Variants in ZIM3 observed in about 807,000 individuals in gnomAD.
ZIM3 encodes the protein zinc finger protein 657.
In ZIM3, 11 loss-of-function variants were observed where a neutral mutation model predicts 12.9. The ratio of observed to expected loss-of-function variants is 0.85; its 90% CI spans 0.54 to 1.41. The LOEUF (loss-of-function observed/expected upper bound fraction) is 1.41, where lower values mean the gene tolerates loss of function less well. ZIM3 is among the 40% of genes most tolerant of loss of function. The pLI is 0.00. For missense variants in ZIM3, 604 were observed against 557.2 expected (o/e 1.08, Z -0.85); for synonymous variants, 205 against 198.5 (o/e 1.03, Z -0.28).
At chr19:57,138,416 T>C in intron 3 of ZIM3, 56 bp downstream of exon 3, 1 of 1,613,012 alleles carries the variant, frequency 6.2e-7, no homozygotes. Flanking sequence ...CCATGGGGTG[T>C]CTGTGTGTTT....
At chr19:57,138,446 C>T (rs781158560) in intron 3 of ZIM3, 26 bp downstream of exon 3, 6 of 1,613,786 alleles carry the variant, frequency 3.7e-6, no homozygotes, top group Non-Finnish European at 3.4e-6. Context: ...GGTTTTGAGT[C>T]CCCCTGCCCG....
intron 2 of ZIM3, among the ~76,000 whole-genome samples, chr19:57,142,284 C>A (rs187826617): frequency 6.5e-4 from 99 of 151,726 alleles, no homozygotes; most frequent in Non-Finnish European, 1.2e-3. Flanking sequence ...GCTGAGACTA[C>A]AGGTGTACGC....
intron 2 of ZIM3, 57 bp from the exon 3 acceptor site, chr19:57,138,655 A>G: frequency 6.3e-7 from 1 of 1,590,492 alleles, no homozygotes; most frequent in Non-Finnish European, 8.6e-7. Context: ...GCGGCTGAGG[A>G]TACAGAAACT....
At position 57,144,885 on chromosome 19, in the gene ZIM3, C is replaced by G. The variant is rs926361607; in HGVS notation, c.-69G>C. ...TCCAGTGGAATCTGGCATAAATTAG[C>G]AAGTTGATTGATTTCTGATGCCTGT... On this transcript the variant is annotated 5_prime_UTR_variant, in exon 1 of 5. Transcript: ENST00000269834. The G allele has an allele frequency of 6.6e-6, 1 of 152,096 alleles. No homozygotes were observed. The highest frequency in any genetic ancestry group is 1.5e-5 in the Non-Finnish European group (1 of 68,016). The allele number at this position is 152,096 out of a possible 1,614,324, so 9.4% of individuals were successfully genotyped here. A position where few individuals can be genotyped will look rare whatever the true frequency, so the allele number is the denominator to read the frequency against.
chr19:57,138,210 G>A (rs2086898548), intron 3 of ZIM3, among the ~76,000 whole-genome samples: 1 of 152,142 alleles, frequency 6.6e-6, no homozygotes, highest in Non-Finnish European at 1.5e-5. Context: ...AAGACCAGGA[G>A]TAGGGTGAAG....
At position 57,138,485 on chromosome 19, in the gene ZIM3, G is replaced by T. The variant is rs373754136; in HGVS notation, c.129C>A (p.Asn43Lys). The change falls in exon 3 of 5, where the codon AAC becomes AAA. Residue 43 changes from asparagine (N) to lysine (K), a missense_variant. Physicochemically the swap from Asn to Lys is moderately conservative, Grantham distance 94. Transcript: ENST00000269834. ...AGCCGTCCTTACCCACAGAGACAAG[G>T]TTGCTGTAATTCTCCAGCATCACAT... ...YRDVMLENYS[N>K]LVSVGQGETT... The T allele has an allele frequency of 4.3e-6, 7 of 1,614,040 alleles. No individual in the cohort carries two copies. In the African/African-American group the frequency reaches 5.3e-5, roughly 12 times the overall value.
Position 57,136,069 on chromosome 19 carries a change from T to G in ZIM3, c.268A>C (p.Ile90Leu). 6.2e-7 allele frequency: 1 copy of G among 1,612,458 alleles called. No individual in the cohort carries two copies. The change falls in exon 5 of 5, where the codon ATT (isoleucine) becomes CTT (leucine). Residue 90 changes from isoleucine to leucine, a missense_variant. Physicochemically the swap from Ile to Leu is conservative, Grantham distance 5 (BLOSUM62 2). Coordinates refer to ENST00000269834, the MANE Select transcript of ZIM3 (RefSeq NM_052882.1). ...TCTTTCACATCCTTTGGCTTCCAAA[T>G]CTGCCCTCCAATGTCCCCATTTTTT... Reference protein sequence around the residue: ...AEKNGDIGGQIWKPKDVKESL... With the variant: ...AEKNGDIGGQLWKPKDVKESL...
chr19:57,138,465 T>C lies in ZIM3; in HGVS notation c.142+7A>G. On this transcript the variant is annotated splice_region_variant and intron_variant, in intron 3 of 4. Transcript: ENST00000269834. ...TTGAGTCCCCCTGCCCGGGAAGCCG[T>C]CCTTACCCACAGAGACAAGGTTGCT... 1 of 1,614,046 alleles carries C rather than the reference T, an allele frequency of 6.2e-7. No individual in the cohort carries two copies. Among genetic ancestry groups the C allele is most frequent in the Non-Finnish European group, 8.5e-7 (1 of 1,180,008 alleles).
At chr19:57,143,284 T>C (rs1273342614) in intron 1 of ZIM3, among the ~76,000 whole-genome samples, 2 of 148,538 alleles carry the variant, frequency 1.3e-5, no homozygotes, top group Non-Finnish European at 3.0e-5. Context: ...TGAGCCGAGA[T>C]CGCGCCACCG....
chr19:57,135,634 T>A lies in ZIM3; in HGVS notation c.703A>T (p.Lys235Ter). ...TTCTGATGTTGAAAGAGATTTGACT[T>A]CTGCTTGTAGGCATTTCCACAGTTC... Reference protein sequence around the residue: ...CENCGNAYKQKSNLFQHQKMH... With the variant: ...CENCGNAYKQ The change falls in exon 5 of 5, where the codon AAG becomes TAG. Residue 235 changes from lysine to a stop codon, truncating the protein, a stop_gained. Coordinates refer to ENST00000269834, the MANE Select transcript of ZIM3 (RefSeq NM_052882.1). LOFTEE classifies it low-confidence loss of function (END_TRUNC). 1 of 1,612,030 alleles carries A rather than the reference T, an allele frequency of 6.2e-7. No individual in the cohort carries two copies. Among genetic ancestry groups the A allele is most frequent in the Non-Finnish European group, 8.5e-7 (1 of 1,178,264 alleles).
At position 57,135,913 on chromosome 19, in the gene ZIM3, G is replaced by A. The variant is rs1303602232; in HGVS notation, c.424C>T (p.Gln142Ter). Reference sequence around the variant, plus strand: ...CCATTATCATCGTGAGAATTATTTTGTACATAGTGTTGCAAGGAAGATACA... The same window carrying A: ...CCATTATCATCGTGAGAATTATTTTATACATAGTGTTGCAAGGAAGATACA... ...DDVSSLQHYV[Q>*]NNSHDDNGYR... Residue 142 changes from glutamine (Q) to a stop codon, truncating the protein, a stop_gained, in exon 5 of 5, where the codon CAA (glutamine) becomes TAA (stop). Transcript: ENST00000269834. LOFTEE classifies it low-confidence loss of function (END_TRUNC). The A allele has an allele frequency of 1.2e-6, 2 of 1,613,938 alleles. No homozygotes were observed. The highest frequency in any genetic ancestry group is 1.7e-6 in the Non-Finnish European group (2 of 1,180,034).
rs375975253 is a variant in ZIM3, at chr19:57,139,125, G to C, written c.16-527C>G. The stretch of plus-strand genomic sequence containing the variant: ...GTGGATCACCTGAGGTCAGGAGTTC[G>C]AGACCAGTCTGGCCAACATGAAGAA... On this transcript the variant is annotated intron_variant, in intron 2 of 4. Coordinates refer to ENST00000269834, the MANE Select transcript of ZIM3 (RefSeq NM_052882.1). Among the ~76,000 whole-genome samples, 6 of 152,098 alleles carry C rather than the reference G, an allele frequency of 3.9e-5. No individual in the cohort carries two copies. The South Asian group carries it at 6.2e-4, about 16-fold the overall frequency.
Position 57,135,703 on chromosome 19 carries a change from T to C in ZIM3, c.634A>G (p.Lys212Glu), listed in dbSNP as rs773826974. The change falls in exon 5 of 5, where the codon AAA (lysine) becomes GAA (glutamate). Residue 212 changes from lysine (K) to glutamate (E), a missense_variant. Transcript: ENST00000269834. ...TCCTCTGCGTGAGTTTTCTGATGTTTATCAAGCTTCCACTTCTCCCCGAAT... is the reference window on the plus strand; with the variant it reads ...TCCTCTGCGTGAGTTTTCTGATGTTCATCAAGCTTCCACTTCTCCCCGAAT... ...RAFGEKWKLD[K>E]HQKTHAEERP... is the part of the protein sequence containing the mutation. 5 of 1,613,886 alleles carry C rather than the reference T, an allele frequency of 3.1e-6. No individual in the cohort carries two copies. In the East Asian group the frequency reaches 6.7e-5, roughly 22 times the overall value.
intron 1 of ZIM3, among the ~76,000 whole-genome samples, chr19:57,143,472 C>T (rs1462293254): frequency 6.6e-6 from 1 of 152,078 alleles, no homozygotes; most frequent in African/African-American, 2.4e-5. Flanking sequence ...ACCATGAATC[C>T]TGAAGCAGCT....
In ZIM3 at chr19:57,138,058, G is replaced by A. The variant is rs202060551; in HGVS notation, c.142+414C>T. Among the ~76,000 whole-genome samples the A allele has an allele frequency of 4.0e-4, 18 of 44,630 alleles. 6 individuals are homozygous for A. In the South Asian group the frequency reaches 8.3e-3, roughly 21 times the overall value. The allele number at this position is 44,630 out of a possible 152,430, so 29.3% of individuals were successfully genotyped here. A position where few individuals can be genotyped will look rare whatever the true frequency, so the allele number is the denominator to read the frequency against. Reference sequence around the variant, plus strand: ...AAGAAGGAAGGAAGGAAGGAAAGAAGGAAGGAAGGAAGGAAGGAAAGAAGG... The same window carrying A: ...AAGAAGGAAGGAAGGAAGGAAAGAAAGAAGGAAGGAAGGAAGGAAAGAAGG... On this transcript the variant is annotated intron_variant, in intron 3 of 4. Transcript: ENST00000269834.
At chr19:57,139,319 ACT>A (rs551651836) in intron 2 of ZIM3, among the ~76,000 whole-genome samples, 64 of 151,468 alleles carry the variant, frequency 4.2e-4, no homozygotes, top group African/African-American at 1.6e-3. Flanking sequence ...CAAGAGCAAA[ACT>A]CTGTCTCAAG....
Position 57,135,622 on chromosome 19 carries a change from A to C in ZIM3, c.715T>G (p.Phe239Val), listed in dbSNP as rs146062644. The C allele has an allele frequency of 1.2e-6, 2 of 1,611,846 alleles. No individual in the cohort carries two copies. Among genetic ancestry groups the C allele is most frequent in the African/African-American group, 2.7e-5 (2 of 74,832 alleles). The change falls in exon 5 of 5, where the codon TTT becomes GTT. Residue 239 changes from phenylalanine to valine, a missense_variant. Transcript: ENST00000269834. The part of the protein sequence containing the change: ...GNAYKQKSNL[F>V]QHQKMHTKEK... ...TTAGTATGCATTTTCTGATGTTGAA[A>C]GAGATTTGACTTCTGCTTGTAGGCA... is the stretch of plus-strand genomic sequence containing the variant.
chr19:57,135,011 A>G lies in ZIM3; in HGVS notation c.1326T>C (p.Thr442=). 6.2e-7 allele frequency: 1 copy of G among 1,614,148 alleles called. No individual in the cohort carries two copies. The highest frequency in any genetic ancestry group is 8.5e-7 in the Non-Finnish European group (1 of 1,180,026). Residue 442 remains threonine (T), a synonymous_variant, in exon 5 of 5, where the codon ACT becomes ACC. Coordinates refer to ENST00000269834, the MANE Select transcript of ZIM3 (RefSeq NM_052882.1). ...LNLSLHKKTH[T]GQKPYGCSEC... Reference sequence around the variant, plus strand: ...CAGAACATCCATAAGGTTTTTGTCCAGTATGGGTTTTTTTATGCAAACTAA... The same window carrying G: ...CAGAACATCCATAAGGTTTTTGTCCGGTATGGGTTTTTTTATGCAAACTAA...
intron 1 of ZIM3, among the ~76,000 whole-genome samples, chr19:57,143,442 A>G (rs768847610): frequency 1.7e-4 from 26 of 152,126 alleles, no homozygotes; most frequent in Non-Finnish European, 3.5e-4. Context: ...AGAGCACAGT[A>G]AGGAAGGCCG....
Sources: allele counts gnomAD v4.1 joint callset (sites outside exome capture counted in the v4.1 genomes callset), GRCh38; gene constraint gnomAD v4.1.1; transcripts MANE v1.5; gene names NCBI Gene and HGNC (gene_info 2026-07-23, HGNC 2026-07-21).